The following ACSM6 variants were observed in gnomAD, a reference collection of about 807,000 sequenced individuals.
The protein encoded by ACSM6 is acyl-CoA synthetase medium chain family member 6.
In ACSM6, 35 loss-of-function variants were observed where a neutral mutation model predicts 51.1. That is an observed-to-expected ratio of 0.69 (90% CI 0.52 to 0.91). The LOEUF is 0.91. Among genes scored for constraint, ACSM6 ranks in the 40% least tolerant of loss-of-function variants. The probability of loss-of-function intolerance (pLI) is 0.00; values close to 1 mark genes in which losing one functional copy is unlikely to be tolerated. For missense variants in ACSM6, 509 were observed against 584.1 expected (o/e 0.87, Z 1.32); for synonymous variants, 172 against 207.3 (o/e 0.83, Z 1.46).
At chr10:95,226,100 T>C (rs2035034779) in intron 10 of ACSM6, 1 of 152,096 alleles carries the variant, frequency 6.6e-6, no homozygotes. Flanking sequence ...TTTTGATCTT[T>C]TGATTAAGGA....
intron 8 of ACSM6, among the ~76,000 whole-genome samples, chr10:95,218,261 T>A (rs2034964435): frequency 6.6e-6 from 1 of 152,218 alleles, no homozygotes; most frequent in Non-Finnish European, 1.5e-5. Flanking sequence ...AAAATGTACA[T>A]CTTCCATTTA....
chr10:95,209,821 T>C (rs970543932), intron 4 of ACSM6, among the ~76,000 whole-genome samples: 2 of 152,146 alleles, frequency 1.3e-5, no homozygotes, highest in African/African-American at 4.8e-5. Flanking sequence ...TAATTTAATT[T>C]TTTTTAATTA....
At chr10:95,221,463 G>A (rs925908932) in intron 9 of ACSM6, among the ~76,000 whole-genome samples, 5 of 152,126 alleles carry the variant, frequency 3.3e-5, no homozygotes, top group African/African-American at 1.2e-4. Flanking sequence ...GCAGATGCCT[G>A]TAATCTCAGC....
chr10:95,213,820 G>T (rs1367735011), intron 7 of ACSM6, among the ~76,000 whole-genome samples: 1 of 152,118 alleles, frequency 6.6e-6, no homozygotes, highest in Non-Finnish European at 1.5e-5. Flanking sequence ...TTTCATTTTA[G>T]CTATGTGGGC....
chr10:95,205,179 GATT>G (rs2034829661), intron 3 of ACSM6, among the ~76,000 whole-genome samples: 1 of 152,152 alleles, frequency 6.6e-6, no homozygotes, highest in African/African-American at 2.4e-5. Flanking sequence ...AAAGCTGTTA[GATT>G]ATTTTTTAGA....
At chr10:95,225,265 T>A (rs2035027153) in intron 9 of ACSM6, 25 bp from the exon 10 acceptor site, 1 of 1,489,212 alleles carries the variant, frequency 6.7e-7, no homozygotes, top group South Asian at 1.2e-5. Context: ...TAAGGAAAAT[T>A]CCTTTAGTGA....
At chr10:95,221,375 TC>T in intron 9 of ACSM6, among the ~76,000 whole-genome samples, 1 of 152,100 alleles carries the variant, frequency 6.6e-6, no homozygotes, top group East Asian at 1.9e-4. Flanking sequence ...TCACTTGAGG[TC>T]AAGAGTTCAA....
intron 2 of ACSM6, among the ~76,000 whole-genome samples, chr10:95,197,409 T>C (rs147207585): frequency 0.15 from 22,023 of 151,792 alleles, 1,886 homozygotes; most frequent in Admixed American, 0.22. Flanking sequence ...CAAAAAGGAA[T>C]GTAGTAGGAG....
chr10:95,197,637 G>C (rs1048198236), intron 2 of ACSM6, among the ~76,000 whole-genome samples: 1 of 152,186 alleles, frequency 6.6e-6, no homozygotes, highest in African/African-American at 2.4e-5. Flanking sequence ...TCTCATCTCA[G>C]AATTGAACAA....
exon 8 of ACSM6, chr10:95,214,929 G>A (rs750606946): frequency 1.0e-5 from 16 of 1,551,626 alleles, no homozygotes; most frequent in Admixed American, 2.0e-5. Context: ...GACTGGAAAC[G>A]CATCACTAAG....
intron 3 of ACSM6, among the ~76,000 whole-genome samples, chr10:95,206,372 A>ATATAT (rs2034838744): frequency 6.6e-6 from 1 of 152,222 alleles, no homozygotes; most frequent in Admixed American, 6.5e-5. Flanking sequence ...TTGTGTAAAT[A>ATATAT]TATATACTAT....
At chr10:95,216,105 T>C (rs891971509) in intron 8 of ACSM6, among the ~76,000 whole-genome samples, 11 of 152,152 alleles carry the variant, frequency 7.2e-5, no homozygotes, top group African/African-American at 2.4e-4. Context: ...TTATTTTATT[T>C]TATTTTTTAG....
At chr10:95,215,484 A>C (rs1319844358) in intron 8 of ACSM6, among the ~76,000 whole-genome samples, 1 of 152,234 alleles carries the variant, frequency 6.6e-6, no homozygotes, top group Non-Finnish European at 1.5e-5. Context: ...AAAAGTGGAC[A>C]GTTAGATTGG....
intron 8 of ACSM6, among the ~76,000 whole-genome samples, chr10:95,218,061 C>G (rs1026559799): frequency 3.9e-5 from 6 of 152,204 alleles, no homozygotes; most frequent in African/African-American, 1.4e-4. Context: ...GTGAATGATT[C>G]TGTCTAGCAA....
intron 3 of ACSM6, among the ~76,000 whole-genome samples, chr10:95,202,416 T>C (rs1259546977): frequency 2.0e-5 from 3 of 152,206 alleles, no homozygotes. Flanking sequence ...CTATTAAATA[T>C]GGACAGTAAT....
chr10:95,209,123 G>A (rs1307894486), intron 4 of ACSM6, among the ~76,000 whole-genome samples: 1 of 152,030 alleles, frequency 6.6e-6, no homozygotes, highest in Non-Finnish European at 1.5e-5. Context: ...TGGAGATGGG[G>A]GAATGATTTT....
intron 3 of ACSM6, among the ~76,000 whole-genome samples, chr10:95,203,746 G>A (rs1425388827): frequency 6.6e-6 from 1 of 151,476 alleles, no homozygotes; most frequent in Non-Finnish European, 1.5e-5. Context: ...TATATTTTTT[G>A]GTAGTTGGAA....
intron 3 of ACSM6, among the ~76,000 whole-genome samples, chr10:95,204,169 T>C (rs2034820145): frequency 6.6e-6 from 1 of 152,220 alleles, no homozygotes; most frequent in African/African-American, 2.4e-5. Flanking sequence ...GCTATCATTT[T>C]CACTCACAAT....
At chr10:95,212,064 G>A (rs2034898595) in intron 6 of ACSM6, 30 bp downstream of exon 6, 2 of 1,612,972 alleles carry the variant, frequency 1.2e-6, no homozygotes, top group African/African-American at 1.3e-5. Flanking sequence ...TGGAATGTGT[G>A]GGACAAAGGC....
Sources: gnomAD v4.1 joint callset for allele counts (sites outside exome capture counted in the v4.1 genomes callset) on GRCh38, gnomAD v4.1.1 for gene constraint, MANE v1.5 for transcripts, NCBI Gene and HGNC (gene_info 2026-07-23, HGNC 2026-07-21) for gene names.